Variants in ADGRG2 observed in about 807,000 individuals in gnomAD.
ADGRG2 encodes the protein G protein-coupled receptor 64.
Under a neutral mutation model 74.1 loss-of-function variants are expected in ADGRG2, and 26 were observed. That is an observed-to-expected ratio of 0.35 (90% CI 0.26 to 0.49). The LOEUF (loss-of-function observed/expected upper bound fraction) is 0.49, where lower values mean the gene tolerates loss of function less well. Ranked by LOEUF, ADGRG2 falls within the 20% of genes least tolerant of loss-of-function variation. The pLI is 0.99. For missense variants in ADGRG2, 619 were observed against 763.1 expected, an observed-to-expected ratio of 0.81 and a Z score of 2.22; for synonymous variants, 296 against 295.2, an observed-to-expected ratio of 1.00 and a Z score of -0.03.
chrX:19,064,364 TCATA>T (rs2061533042), intron 3 of ADGRG2, among the ~76,000 whole-genome samples: 1 of 112,701 alleles, frequency 8.9e-6, no homozygotes, highest in Non-Finnish European at 1.9e-5. Context: ...TTCTCATGCG[TCATA>T]GTCACGGCCC....
intron 1 of ADGRG2, among the ~76,000 whole-genome samples, chrX:19,085,119 G>A (rs1381246561): frequency 8.9e-6 from 1 of 111,912 alleles, no homozygotes; most frequent in Admixed American, 9.5e-5. Flanking sequence ...TGTGTGTGTG[G>A]TGGGGGGAGC....
intron 16 of ADGRG2, among the ~76,000 whole-genome samples, chrX:19,011,342 G>C (rs1237336789): frequency 9.0e-6 from 1 of 111,723 alleles, no homozygotes; most frequent in Non-Finnish European, 1.9e-5. Flanking sequence ...GGTGTTTCTA[G>C]CTGCACAGAA....
At chrX:19,093,754 C>T (rs1010521040) in intron 1 of ADGRG2, among the ~76,000 whole-genome samples, 1 of 111,617 alleles carries the variant, frequency 9.0e-6, no homozygotes, top group Admixed American at 9.5e-5. Context: ...TAAGGGCTTG[C>T]ACCCAATAAA....
At chrX:19,117,350 C>T (rs377603529) in intron 1 of ADGRG2, among the ~76,000 whole-genome samples, 14 of 109,435 alleles carry the variant, frequency 1.3e-4, no homozygotes, top group African/African-American at 3.7e-4. Flanking sequence ...ATAAAATGTA[C>T]TTATTGTGAA....
At chrX:19,026,396 C>T (rs1012503277) in intron 11 of ADGRG2, among the ~76,000 whole-genome samples, 2 of 111,926 alleles carry the variant, frequency 1.8e-5, no homozygotes, top group African/African-American at 3.2e-5. Context: ...AGGGCATAAA[C>T]GTGAAGTTGA....
intron 3 of ADGRG2, among the ~76,000 whole-genome samples, chrX:19,065,365 C>T (rs1186221063): frequency 1.8e-5 from 2 of 108,722 alleles, no homozygotes; most frequent in Non-Finnish European, 3.8e-5. Context: ...TCTTACTGGG[C>T]GTTCTGAGAG....
chrX:19,070,206 C>T (rs2061632030), intron 2 of ADGRG2, among the ~76,000 whole-genome samples: 1 of 113,044 alleles, frequency 8.8e-6, no homozygotes, highest in Non-Finnish European at 1.9e-5. Flanking sequence ...TTCATCAGTA[C>T]ATTGCATTTC....
chrX:19,043,525 G>C (rs1211120627), intron 3 of ADGRG2, among the ~76,000 whole-genome samples: 2 of 112,110 alleles, frequency 1.8e-5, no homozygotes, highest in East Asian at 5.6e-4. Flanking sequence ...CAATTTTCAA[G>C]CATTATTCAT....
At chrX:19,021,428 C>T (rs1419857340) in intron 13 of ADGRG2, 1 of 427,772 alleles carries the variant, frequency 2.3e-6, no homozygotes, top group African/African-American at 2.4e-5. Flanking sequence ...AGGTTGCAAA[C>T]CAGAGACTCT....
intron 1 of ADGRG2, among the ~76,000 whole-genome samples, chrX:19,109,284 G>C (rs2147068155): frequency 9.0e-6 from 1 of 111,445 alleles, no homozygotes; most frequent in Non-Finnish European, 1.9e-5. Context: ...AAGGGTGATG[G>C]TTTCTCCAAA....
intron 1 of ADGRG2, among the ~76,000 whole-genome samples, chrX:19,097,606 T>C (rs73447620): frequency 0.018 from 1,961 of 111,985 alleles, 43 homozygotes; most frequent in African/African-American, 0.06. Context: ...GGGGAGAAAG[T>C]GTGAATGCTA....
rs147976670 is a variant in ADGRG2 at position 18,996,022 on chromosome X, G to A, written c.2716+29C>T. On this transcript the variant is annotated intron_variant, in intron 27 of 28. Coordinates refer to ENST00000379869, the MANE Select transcript of ADGRG2 (RefSeq NM_001079858.3). ...ACAATCTTTTCCTTGAGATTTAAGAGGAAGAGAAAAAGTGAGGTAAATCTT... is the reference window on the plus strand; with the variant it reads ...ACAATCTTTTCCTTGAGATTTAAGAAGAAGAGAAAAAGTGAGGTAAATCTT... 803 of 725,970 alleles carry A rather than the reference G, an allele frequency of 1.1e-3. 3 individuals are homozygous for A. In the African/African-American group the frequency reaches 0.015, roughly 14 times the overall value. 59.8% of individuals were successfully genotyped at this position (725,970 alleles called of 1,213,427 possible).
At chrX:18,992,366 T>C (rs772240742) in intron 28 of ADGRG2, among the ~76,000 whole-genome samples, 5 of 112,683 alleles carry the variant, frequency 4.4e-5, no homozygotes, top group Non-Finnish European at 9.4e-5. Context: ...CTAGGCTCAC[T>C]GCAACTTCTG....
At chrX:19,079,104 T>C (rs2061802094) in intron 2 of ADGRG2, among the ~76,000 whole-genome samples, 1 of 111,804 alleles carries the variant, frequency 8.9e-6, no homozygotes, top group Non-Finnish European at 1.9e-5. Context: ...ATGGTAAACA[T>C]GAATAGTAGG....
Position 19,086,651 on chromosome X carries a change from C to T in ADGRG2, c.-46-3905G>A, listed in dbSNP as rs138276348. 2.7e-3 allele frequency among the ~76,000 whole-genome samples: 295 copies of T among 111,051 alleles called. 2 individuals are homozygous for T. The highest frequency in any genetic ancestry group is 9.2e-3 in the African/African-American group (282 of 30,555). ...GCACCTGGCCACAGCACCCACACAT[C>T]CTAGGGATAATCTGCAACCCACTTG... On this transcript the variant is annotated intron_variant, in intron 1 of 28. Coordinates refer to ENST00000379869, the MANE Select transcript of ADGRG2 (RefSeq NM_001079858.3).
chrX:19,047,599 T>G (rs2061219976), intron 3 of ADGRG2, among the ~76,000 whole-genome samples: 1 of 111,946 alleles, frequency 8.9e-6, no homozygotes, highest in African/African-American at 3.3e-5. Context: ...TACAACTAGC[T>G]CTCCTTGCAT....
At chrX:19,045,225 G>A (rs1278845145) in intron 3 of ADGRG2, among the ~76,000 whole-genome samples, 1 of 110,428 alleles carries the variant, frequency 9.1e-6, no homozygotes, top group East Asian at 2.8e-4. Context: ...AACCTCTGAG[G>A]CTCTACTCTA....
intron 8 of ADGRG2, chrX:19,031,323 G>T (rs931033469): frequency 6.5e-6 from 2 of 305,979 alleles, no homozygotes; most frequent in African/African-American, 5.4e-5. Flanking sequence ...TCCCTCTCCT[G>T]TTCAGTATAA....
chrX:19,032,804 G>A (rs1198960992), intron 8 of ADGRG2: 1 of 112,196 alleles, frequency 8.9e-6, no homozygotes, highest in Non-Finnish European at 1.9e-5. Context: ...ACAAAAACAG[G>A]CAGTGAGCCC....
Sources: gnomAD v4.1 joint callset for allele counts (sites outside exome capture counted in the v4.1 genomes callset) on GRCh38, gnomAD v4.1.1 for gene constraint, MANE v1.5 for transcripts, NCBI Gene and HGNC (gene_info 2026-07-23, HGNC 2026-07-21) for gene names.